The following DNHD1 variants were observed in gnomAD, a reference collection of about 807,000 sequenced individuals.
The protein encoded by DNHD1 is dynein heavy chain domain-containing protein 1.
In DNHD1, 383 loss-of-function variants were observed where a neutral mutation model predicts 458.1. That is an observed-to-expected ratio of 0.84 (90% CI 0.77 to 0.91). DNHD1 has a LOEUF of 0.91. DNHD1 is among the 40% of genes least tolerant of loss of function. The pLI, the probability that DNHD1 is intolerant of heterozygous loss-of-function variation, is 0.00. For synonymous variants in DNHD1, 2,203 were observed against 2,376.9 expected (o/e 0.93, Z 2.13); for missense variants, 5,336 against 5,866.1 (o/e 0.91, Z 2.95).
Position 6,546,955 on chromosome 11 carries a change from T to C in DNHD1, c.6016T>C (p.Phe2006Leu). 6.4e-7 allele frequency: 1 copy of C among 1,551,618 alleles called. No homozygotes were observed. ...CAAGACCACTTGTTGGCACAGCTTATTTAAGATCCAGAATCGGCTGGCAGC... is the reference window on the plus strand; with the variant it reads ...CAAGACCACTTGTTGGCACAGCTTACTTAAGATCCAGAATCGGCTGGCAGC... Reference protein sequence around the residue: ...SGKTTCWHSLFKIQNRLAAME... With the variant: ...SGKTTCWHSLLKIQNRLAAME... The change falls in exon 21 of 43, where the codon TTT (phenylalanine) becomes CTT (leucine). Residue 2006 changes from phenylalanine (F) to leucine (L), a missense_variant. Phe to Leu is a conservative substitution (Grantham distance 22, BLOSUM62 0). This residue lies in a region of DNHD1 where 3,932 missense variants were observed against 4,365.6 expected (regional missense o/e 0.90). Coordinates refer to ENST00000254579, the MANE Select transcript of DNHD1 (RefSeq NM_144666.3).
chr11:6,557,658 A>G lies in DNHD1; in HGVS notation c.8363A>G (p.Lys2788Arg). ...AGGCTCCAGGTAAGGAGATCATTCA[A>G]GACTTGGTGGCAGAAGAAACCCCAG... ...NYRLQVRRSFKTWWQKKPQMD... is the reference protein window; with the variant it reads ...NYRLQVRRSFRTWWQKKPQMD... Residue 2788 changes from lysine (K) to arginine (R), a missense_variant, in exon 25 of 43, where the codon AAG becomes AGG. Lys to Arg is a conservative substitution (Grantham distance 26). Transcript: ENST00000254579. 6.4e-7 allele frequency: 1 copy of G among 1,551,746 alleles called. No homozygotes were observed. The highest frequency in any genetic ancestry group is 8.7e-7 in the Non-Finnish European group (1 of 1,146,996).
At chr11:6,517,791 T>TA (rs1341004161) in intron 7 of DNHD1, among the ~76,000 whole-genome samples, 8 of 149,612 alleles carry the variant, frequency 5.3e-5, no homozygotes, top group Non-Finnish European at 5.9e-5. Flanking sequence ...GATTTCAAAA[T>TA]ATGAATTTTG....
rs769112455 is a variant in DNHD1, at chr11:6,563,015, A to G, written c.9553A>G (p.Ser3185Gly). The change falls in exon 29 of 43, where the codon AGC (serine) becomes GGC (glycine). Residue 3185 changes from serine (S) to glycine (G), a missense_variant. Transcript: ENST00000254579. ...CATGTTTCAGCAGCAGCTAGAGCAA[A>G]GCAAGCTCCTATACAAGCAGCAGCT... is the stretch of plus-strand genomic sequence containing the variant. ...LSMFQQQLEQ[S>G]KLLYKQQLEE... is the part of the protein sequence containing the mutation. The G allele has an allele frequency of 1.0e-5, 16 of 1,551,554 alleles. No homozygotes were observed. The highest frequency in any genetic ancestry group is 7.3e-5 in the East Asian group (3 of 40,928).
intron 3 of DNHD1, among the ~76,000 whole-genome samples, chr11:6,501,802 T>C (rs1852142096): frequency 6.6e-6 from 1 of 152,194 alleles, no homozygotes; most frequent in Admixed American, 6.5e-5. Context: ...GAATATACTA[T>C]ATAATATAGG....
chr11:6,543,456 G>A (rs929142284), intron 18 of DNHD1, among the ~76,000 whole-genome samples: 8 of 152,140 alleles, frequency 5.3e-5, no homozygotes, highest in African/African-American at 1.9e-4. Flanking sequence ...TAGGGTCCTG[G>A]AGCCATTCAG....
intron 18 of DNHD1, 95 bp from the exon 19 acceptor site, chr11:6,544,026 C>A: frequency 1.3e-5 from 11 of 840,460 alleles, no homozygotes; most frequent in Non-Finnish European, 1.9e-5. Context: ...GTCTCTGTAA[C>A]TGCCTCTCCT....
rs1408023418 is a variant in DNHD1, at chr11:6,533,796, T to C, written c.2621T>C (p.Leu874Pro). ...FSLFSAENEA[L>P]DISVRRQFGE... Reference sequence around the variant, plus strand: ...CTCTTTAGTGCTGAGAATGAAGCACTGGACATCTCGGTGAGAAGGCAATTC... The same window carrying C: ...CTCTTTAGTGCTGAGAATGAAGCACCGGACATCTCGGTGAGAAGGCAATTC... The change falls in exon 14 of 43, where the codon CTG becomes CCG. Residue 874 changes from leucine (L) to proline (P), a missense_variant. Leu to Pro is a moderately conservative substitution (Grantham distance 98, BLOSUM62 -3). This residue lies in a region of DNHD1 where 3,932 missense variants were observed against 4,365.6 expected (regional missense o/e 0.90). Coordinates refer to ENST00000254579, the MANE Select transcript of DNHD1 (RefSeq NM_144666.3). 2 of 1,551,500 alleles carry C rather than the reference T, an allele frequency of 1.3e-6. No homozygotes were observed. The highest frequency in any genetic ancestry group is 1.7e-6 in the Non-Finnish European group (2 of 1,146,958).
intron 24 of DNHD1, among the ~76,000 whole-genome samples, chr11:6,549,807 G>A (rs1853298062): frequency 6.6e-6 from 1 of 152,230 alleles, no homozygotes; most frequent in African/African-American, 2.4e-5. Context: ...CAGGAAGTAA[G>A]TGCTCAATAA....
rs921286175 is a variant in DNHD1 at position 6,571,195 on chromosome 11, G to A, written c.13683G>A (p.Leu4561=). The part of the protein sequence containing the change: ...WLRQLSRRGQ[L]LVRYLGVGAD... ...GACAGTTGTCGCGCCGTGGGCAACTGTTGGTTCGTTACTTGGGCGTGGGCG... is the reference window on the plus strand; with the variant it reads ...GACAGTTGTCGCGCCGTGGGCAACTATTGGTTCGTTACTTGGGCGTGGGCG... The change falls in exon 42 of 43, where the codon CTG becomes CTA. Residue 4561 remains leucine (L), a synonymous_variant. Coordinates refer to ENST00000254579, the MANE Select transcript of DNHD1 (RefSeq NM_144666.3). This position sits in a 1 kb window ranked among gnomAD's most constrained non-coding sequence, Gnocchi z 5.0. 1.4e-5 allele frequency: 23 copies of A among 1,605,682 alleles called. No individual in the cohort carries two copies. The highest frequency in any genetic ancestry group is 2.0e-5 in the Non-Finnish European group (23 of 1,175,282).
In DNHD1 at chr11:6,509,092, T is replaced by C. The variant is rs1226299566; in HGVS notation, c.1124+9T>C. 1.9e-6 allele frequency: 3 copies of C among 1,614,008 alleles called. No individual in the cohort carries two copies. The highest frequency in any genetic ancestry group is 4.5e-5 in the East Asian group (2 of 44,898). The stretch of plus-strand genomic sequence containing the variant: ...CGCAAGTCCTTTACCTGGTAGGTAA[T>C]GACGGATATGTGATTTGGGGGGAAA... On this transcript the variant is annotated intron_variant, in intron 5 of 42. Transcript: ENST00000254579.
At chr11:6,499,201 A>G (rs1052139419) in intron 3 of DNHD1, among the ~76,000 whole-genome samples, 1 of 152,236 alleles carries the variant, frequency 6.6e-6, no homozygotes, top group African/African-American at 2.4e-5. Flanking sequence ...ATCAGAAGTC[A>G]GCTATGAGGC....
At chr11:6,535,893 A>G (rs1282278642) in intron 14 of DNHD1, among the ~76,000 whole-genome samples, 4 of 152,134 alleles carry the variant, frequency 2.6e-5, no homozygotes, top group Non-Finnish European at 5.9e-5. Flanking sequence ...TCTCCCAGAG[A>G]TCACTTATTT....
intron 3 of DNHD1, among the ~76,000 whole-genome samples, chr11:6,499,876 C>G (rs1407607948): frequency 6.6e-6 from 1 of 151,388 alleles, no homozygotes; most frequent in Non-Finnish European, 1.5e-5. Flanking sequence ...CTATTGTTTT[C>G]TTTTTTAAAA....
intron 14 of DNHD1, among the ~76,000 whole-genome samples, chr11:6,536,479 T>G (rs1300961095): frequency 1.3e-5 from 2 of 152,014 alleles, no homozygotes; most frequent in African/African-American, 2.4e-5. Context: ...AAAAAAAAAT[T>G]GTGTGTGTGT....
At position 6,547,452 on chromosome 11, in the gene DNHD1, G is replaced by A; in HGVS notation, c.6513G>A (p.Gln2171=). The A allele has an allele frequency of 6.4e-7, 1 of 1,551,444 alleles. No homozygotes were observed. The highest frequency in any genetic ancestry group is 8.7e-7 in the Non-Finnish European group (1 of 1,146,750). Residue 2171 remains glutamine, a synonymous_variant, in exon 21 of 43, where the codon CAG becomes CAA. Transcript: ENST00000254579. ...MASLPYEYRL[Q]HRTVAELNHM... is the part of the protein sequence containing the mutation. ...CCCTTCCTTATGAGTACCGCCTGCA[G>A]CACCGGACAGTCGCTGAGCTCAACC...
Position 6,519,979 on chromosome 11 carries a change from A to C in DNHD1, c.1662A>C (p.Lys554Asn). Residue 554 changes from lysine (K) to asparagine (N), a missense_variant, in exon 9 of 43, where the codon AAA (lysine) becomes AAC (asparagine). Lys to Asn is a moderately conservative substitution (Grantham distance 94). Transcript: ENST00000254579. The part of the protein sequence containing the change: ...VANILQAPRQ[K>N]PFLSSQLVFD... ...TTTTTTTACAGGCCCCAAGGCAGAA[A>C]CCCTTTCTCTCATCACAGCTGGTCT... The C allele has an allele frequency of 6.2e-7, 1 of 1,613,894 alleles. No individual in the cohort carries two copies. The highest frequency in any genetic ancestry group is 8.5e-7 in the Non-Finnish European group (1 of 1,179,986).
At chr11:6,510,365 G>A (rs1221535235) in intron 6 of DNHD1, among the ~76,000 whole-genome samples, 3 of 152,090 alleles carry the variant, frequency 2.0e-5, no homozygotes, top group Admixed American at 6.6e-5. Flanking sequence ...GATTACAGGC[G>A]TGAGCCACCA....
intron 10 of DNHD1, among the ~76,000 whole-genome samples, 196 bp from the exon 11 acceptor site, chr11:6,528,326 A>C (rs1852752723): frequency 6.6e-6 from 1 of 152,182 alleles, no homozygotes. Context: ...ACCCTAACTA[A>C]TAAATCCCCT....
chr11:6,512,474 G>C (rs555615444), intron 7 of DNHD1, among the ~76,000 whole-genome samples: 1 of 151,686 alleles, frequency 6.6e-6, no homozygotes, highest in Non-Finnish European at 1.5e-5. Flanking sequence ...CGCCCACCTC[G>C]GCCTCCCAAA....
Sources: allele counts gnomAD v4.1 joint callset (sites outside exome capture counted in the v4.1 genomes callset), GRCh38; gene constraint gnomAD v4.1.1; regional missense constraint gnomAD v4.1.1; non-coding constraint Gnocchi (gnomAD v3.1); transcripts MANE v1.5; gene names NCBI Gene and HGNC (gene_info 2026-07-23, HGNC 2026-07-21).